The following S100A10 variants were observed in gnomAD, a reference collection of about 807,000 sequenced individuals.
The protein encoded by S100A10 is S100 calcium binding protein A10.
In S100A10, 3 loss-of-function variants were observed where a neutral mutation model predicts 7.1. That is an observed-to-expected ratio of 0.42 (90% confidence interval 0.19 to 1.10). The LOEUF is 1.10. Among genes scored for constraint, S100A10 ranks in the 50% least tolerant of loss-of-function variants. S100A10 has a pLI of 0.29. For missense variants in S100A10, 101 were observed against 118.1 expected (o/e 0.86, Z 0.67); for synonymous variants, 41 against 39.3 (o/e 1.04, Z -0.16).
chr1:151,983,255 C>T lies in S100A10; in HGVS notation c.202G>A (p.Gly68Ser). The T allele has an allele frequency of 3.1e-6, 5 of 1,608,352 alleles. No individual in the cohort carries two copies. The highest frequency in any genetic ancestry group is 4.2e-6 in the Non-Finnish European group (5 of 1,177,576). ...DLDQCRDGKV[G>S]FQSFFSLIAG... ...ATTAGGGAAAAGAAGCTCTGGAAGC[C>T]CACTTTGCCATCTCTACACTGGTCC... Residue 68 changes from glycine to serine, a missense_variant, in exon 3 of 3, where the codon GGC becomes AGC. Gly to Ser is a moderately conservative substitution (Grantham distance 56). Coordinates refer to ENST00000368811, the MANE Select transcript of S100A10 (RefSeq NM_002966.3).
chr1:151,989,006 G>GTTTACCTA lies in S100A10; in HGVS notation c.-21-2756_-21-2755insTAGGTAAA, dbSNP rs1393796283. ...CCAAAGATCCCAGAAATTGGAACTGGGTGGGGTACCTAGTTTACTTTTTTC... is the reference window on the plus strand; with the variant it reads ...CCAAAGATCCCAGAAATTGGAACTGGTTTACCTAGTGGGGTACCTAGTTTACTTTTTTC... On this transcript the variant is annotated intron_variant, in intron 1 of 2. Transcript: ENST00000368811. 2.2e-4 allele frequency among the ~76,000 whole-genome samples: 33 copies of GTTTACCTA among 152,310 alleles called. 1 individual carries two copies. Among genetic ancestry groups the GTTTACCTA allele is most frequent in the African/African-American group, 7.7e-4 (32 of 41,564 alleles).
chr1:151,983,559 AT>A (rs1655739034), intron 2 of S100A10, among the ~76,000 whole-genome samples: 1 of 150,480 alleles, frequency 6.6e-6, no homozygotes, highest in Non-Finnish European at 1.5e-5. Flanking sequence ...TAAGCTCCTC[AT>A]TTTATGGTTT....
rs1164151402 is a variant in S100A10 at position 151,993,318 on chromosome 1, A to G, written c.-22+434T>C. 6.6e-6 allele frequency among the ~76,000 whole-genome samples: 1 copy of G among 152,160 alleles called. No individual in the cohort carries two copies. The highest frequency in any genetic ancestry group is 1.5e-5 in the Non-Finnish European group (1 of 68,018). ...GCGGTACAGCCGGGAGCAGGCTACG[A>G]ACATGCAGACCCGGCCTGCGAGCGG... On this transcript the variant is annotated intron_variant, in intron 1 of 2. Coordinates refer to ENST00000368811, the MANE Select transcript of S100A10 (RefSeq NM_002966.3). The surrounding 1 kb of genome is among the most constrained non-coding windows in gnomAD (Gnocchi z 5.1).
At chr1:151,983,701 G>A (rs1655740937) in intron 2 of S100A10, among the ~76,000 whole-genome samples, 1 of 152,198 alleles carries the variant, frequency 6.6e-6, no homozygotes, top group Non-Finnish European at 1.5e-5. Context: ...GGATTTTAAA[G>A]AGGTGTTAAT....
chr1:151,992,708 C>T (rs1655931778), intron 1 of S100A10: 1 of 152,644 alleles, frequency 6.6e-6, no homozygotes, highest in South Asian at 2.1e-4. Flanking sequence ...CCTGCAGAAG[C>T]TCCCGCAGAG....
At chr1:151,989,656 G>A (rs148280899) in intron 1 of S100A10, among the ~76,000 whole-genome samples, 145 of 152,368 alleles carry the variant, frequency 9.5e-4, no homozygotes, top group South Asian at 2.3e-3. Flanking sequence ...TCTTGTCTGA[G>A]TGCAGCCAAT....
chr1:151,984,583 T>C (rs577563409), intron 2 of S100A10, among the ~76,000 whole-genome samples: 1 of 152,346 alleles, frequency 6.6e-6, no homozygotes, highest in South Asian at 2.1e-4. Flanking sequence ...ACACTACATA[T>C]ACCCTTTATG....
At chr1:151,986,318 A>G (rs916169110) in intron 1 of S100A10, 67 bp from the exon 2 acceptor site, 2 of 1,109,396 alleles carry the variant, frequency 1.8e-6, no homozygotes, top group Non-Finnish European at 2.5e-6. Context: ...GCATGAATTT[A>G]TTTTTTTTAA....
chr1:151,993,578 GC>G lies in S100A10; in HGVS notation c.-22+173del, dbSNP rs1435419218. Among the ~76,000 whole-genome samples the G allele has an allele frequency of 2.0e-5, 3 of 152,176 alleles. No homozygotes were observed. Among genetic ancestry groups the G allele is most frequent in the African/African-American group, 7.2e-5 (3 of 41,444 alleles). Reference sequence around the variant, plus strand: ...CCCGGGCCGGGGAGGGGCGCTGCTGGCCTCGTTTGGGTGTGGCCCGGAGCAC... The same window carrying G: ...CCCGGGCCGGGGAGGGGCGCTGCTGGCTCGTTTGGGTGTGGCCCGGAGCAC... On this transcript the variant is annotated intron_variant, in intron 1 of 2. Transcript: ENST00000368811. This position sits in a 1 kb window ranked among gnomAD's most constrained non-coding sequence, Gnocchi z 5.1.
At chr1:151,991,863 T>C (rs900724596) in intron 1 of S100A10, among the ~76,000 whole-genome samples, 1 of 152,158 alleles carries the variant, frequency 6.6e-6, no homozygotes, top group Non-Finnish European at 1.5e-5. Context: ...CTGGAGTGGC[T>C]GCTTAGGAGG....
In S100A10 at chr1:151,986,807, G is replaced by A. The variant is rs148599515; in HGVS notation, c.-21-556C>T. 2.8e-3 allele frequency among the ~76,000 whole-genome samples: 424 copies of A among 152,264 alleles called. 2 individuals carry two copies. Among genetic ancestry groups the A allele is most frequent in the Non-Finnish European group, 5.0e-3 (342 of 68,028 alleles). ...CCAGCCTTTTTAGGATAATTGGAAA[G>A]ATGGAGATTAGATCATCCATCTGAT... On this transcript the variant is annotated intron_variant, in intron 1 of 2. Transcript: ENST00000368811.
At chr1:151,991,166 G>A (rs937322273) in intron 1 of S100A10, among the ~76,000 whole-genome samples, 2 of 152,080 alleles carry the variant, frequency 1.3e-5, no homozygotes, top group Non-Finnish European at 2.9e-5. Flanking sequence ...ATATGTTTGA[G>A]GTTTCCTTCC....
At chr1:151,986,319 T>C (rs1459124958) in intron 1 of S100A10, 68 bp from the exon 2 acceptor site, 1 of 1,068,272 alleles carries the variant, frequency 9.4e-7, no homozygotes, top group African/African-American at 1.6e-5. Flanking sequence ...CATGAATTTA[T>C]TTTTTTTAAA....
intron 1 of S100A10, among the ~76,000 whole-genome samples, chr1:151,991,067 CTG>C (rs759756651): frequency 2.0e-5 from 3 of 151,662 alleles, no homozygotes; most frequent in Non-Finnish European, 4.4e-5. Context: ...CTTTGCTCCT[CTG>C]TGTCTTGTCC....
chr1:151,986,181 T>C lies in S100A10; in HGVS notation c.50A>G (p.His17Arg). ...HAMETMMFTF[H>R]KFAGDKGYLT... ...GTAGCCTTTATCCCCAGCGAATTTG[T>C]GAAATGTAAACATCATGGTTTCCAT... The change falls in exon 2 of 3, where the codon CAC (histidine) becomes CGC (arginine). Residue 17 changes from histidine to arginine, a missense_variant. Coordinates refer to ENST00000368811, the MANE Select transcript of S100A10 (RefSeq NM_002966.3). 1 of 1,610,630 alleles carries C rather than the reference T, an allele frequency of 6.2e-7. No homozygotes were observed. The highest frequency in any genetic ancestry group is 8.5e-7 in the Non-Finnish European group (1 of 1,178,984).
chr1:151,986,055 A>G (rs1289547047), intron 2 of S100A10, 44 bp downstream of exon 2: 3 of 1,532,788 alleles, frequency 2.0e-6, no homozygotes, highest in African/African-American at 1.4e-5. Context: ...GCCTAGAAGC[A>G]TTGACTTTTA....
At chr1:151,986,522 G>A (rs146237088) in intron 1 of S100A10, among the ~76,000 whole-genome samples, 83 of 152,288 alleles carry the variant, frequency 5.5e-4, no homozygotes, top group African/African-American at 1.9e-3. Context: ...CTATAGTCAC[G>A]TTGTTGTACA....
intron 1 of S100A10, among the ~76,000 whole-genome samples, chr1:151,988,206 A>T (rs1363971807): frequency 6.6e-6 from 1 of 152,240 alleles, no homozygotes; most frequent in Non-Finnish European, 1.5e-5. Context: ...TTTTGGCTTA[A>T]TTGGAAGGAA....
At chr1:151,989,701 C>T (rs533746847) in intron 1 of S100A10, among the ~76,000 whole-genome samples, 15 of 152,254 alleles carry the variant, frequency 9.9e-5, no homozygotes, top group Non-Finnish European at 1.8e-4. Flanking sequence ...CCTGGCCCTC[C>T]GTTCTTGGGT....
Sources: allele counts gnomAD v4.1 joint callset (sites outside exome capture counted in the v4.1 genomes callset), GRCh38; gene constraint gnomAD v4.1.1; non-coding constraint Gnocchi (gnomAD v3.1); transcripts MANE v1.5; gene names NCBI Gene and HGNC (gene_info 2026-07-23, HGNC 2026-07-21).